Variants in CSF1R observed in about 807,000 individuals in gnomAD.
CSF1R encodes macrophage colony-stimulating factor 1 receptor.
A neutral mutation model predicts 110.0 loss-of-function variants in CSF1R; 40 were observed. That is an observed-to-expected ratio of 0.36 (90% CI 0.28 to 0.47). The LOEUF (loss-of-function observed/expected upper bound fraction) is 0.47, where lower values mean the gene tolerates loss of function less well. Among genes scored for constraint, CSF1R ranks in the 20% least tolerant of loss-of-function variants. The probability of loss-of-function intolerance (pLI) is 0.99; values close to 1 mark genes in which losing one functional copy is unlikely to be tolerated. For synonymous variants in CSF1R, 523 were observed against 503.4 expected (o/e 1.04, Z -0.52); for missense variants, 1,052 against 1,253.0 (o/e 0.84, Z 2.42).
intron 16 of CSF1R, among the ~76,000 whole-genome samples, chr5:150,056,872 T>C (rs1023674119): frequency 6.6e-6 from 1 of 152,190 alleles, no homozygotes; most frequent in African/African-American, 2.4e-5. Flanking sequence ...CTAAGGAAGA[T>C]GGCAAGAGCT....
chr5:150,069,838 G>C (rs755391076), intron 9 of CSF1R, 35 bp downstream of exon 9: 14 of 1,096,570 alleles, frequency 1.3e-5, no homozygotes, highest in South Asian at 7.0e-5. Context: ...GGGGGCGGGC[G>C]GGGGGGCGGT....
intron 1 of CSF1R, among the ~76,000 whole-genome samples, chr5:150,083,286 C>T (rs1274613805): frequency 2.0e-5 from 3 of 151,002 alleles, no homozygotes; most frequent in African/African-American, 7.3e-5. Flanking sequence ...CTAGCTCCCA[C>T]TTGCCTGGAA....
chr5:150,059,578 T>A, intron 14 of CSF1R, 122 bp downstream of exon 14: 1 of 1,126,908 alleles, frequency 8.9e-7, no homozygotes, highest in South Asian at 1.5e-5. Flanking sequence ...ATGACACAGG[T>A]GGCAGGTGAG....
At chr5:150,111,271 C>T (rs17798692) in intron 1 of CSF1R, among the ~76,000 whole-genome samples, 4,867 of 152,190 alleles carry the variant, frequency 0.032, 228 homozygotes, top group East Asian at 0.21. Flanking sequence ...ACAAGAACCC[C>T]GGCCGTGAGT....
At chr5:150,070,852 G>A (rs940163971) in intron 6 of CSF1R, among the ~76,000 whole-genome samples, 3 of 152,088 alleles carry the variant, frequency 2.0e-5, no homozygotes, top group South Asian at 2.1e-4. Context: ...ATCACAGGTC[G>A]CCTACGTTGA....
intron 1 of CSF1R, among the ~76,000 whole-genome samples, chr5:150,106,089 TC>T (rs989199504): frequency 1.3e-5 from 2 of 152,062 alleles, no homozygotes; most frequent in Non-Finnish European, 2.9e-5. Flanking sequence ...GATCCTGACC[TC>T]CCCCAGCAGT....
At chr5:150,103,311 G>A (rs1345198404) in intron 1 of CSF1R, among the ~76,000 whole-genome samples, 1 of 152,166 alleles carries the variant, frequency 6.6e-6, no homozygotes, top group African/African-American at 2.4e-5. Context: ...TCCCTATCTG[G>A]CCCAGATCTG....
In CSF1R at chr5:150,070,000, C is replaced by T. The variant is rs941823186; in HGVS notation, c.1383G>A (p.Glu461=). ...DDPYPEVLSQ[E]PFHKVTVQSL... ...TCTGCACCGTCACCTTGTGGAAGGG[C>T]TCCTGGCTCAGGACCTCAGGGTATG... Residue 461 remains glutamate, a synonymous_variant, in exon 9 of 21, where the codon GAG becomes GAA. Transcript: ENST00000675795. The T allele has an allele frequency of 1.2e-6, 2 of 1,614,058 alleles. No individual in the cohort carries two copies. The highest frequency in any genetic ancestry group is 2.7e-5 in the African/African-American group (2 of 74,924).
chr5:150,106,166 G>A (rs1759551342), intron 1 of CSF1R, among the ~76,000 whole-genome samples: 1 of 152,234 alleles, frequency 6.6e-6, no homozygotes. Context: ...GGTAAGCCCT[G>A]ACTGAGGAAG....
At chr5:150,091,056 T>C (rs1759022705), upstream of CSF1R, among the ~76,000 whole-genome samples, 1 of 152,148 alleles carries the variant, frequency 6.6e-6, no homozygotes, top group African/African-American at 2.4e-5. Context: ...TCATTAGTCA[T>C]TAGGGAAGTG....
intron 9 of CSF1R, among the ~76,000 whole-genome samples, chr5:150,068,921 C>T (rs1757905448): frequency 1.3e-5 from 2 of 152,212 alleles, no homozygotes; most frequent in African/African-American, 2.4e-5. Flanking sequence ...CTTAGATCTG[C>T]AGTCAAGTTT....
Position 150,078,122 on chromosome 5 carries a change from T to C in CSF1R, c.719A>G (p.Asn240Ser). 4 of 1,614,042 alleles carry C rather than the reference T, an allele frequency of 2.5e-6. No individual in the cohort carries two copies. The highest frequency in any genetic ancestry group is 3.4e-6 in the Non-Finnish European group (4 of 1,179,962). Residue 240 changes from asparagine to serine, a missense_variant, in exon 4 of 21, where the codon AAC (asparagine) becomes AGC (serine). By Grantham distance (46) the Asn-to-Ser change is conservative (BLOSUM62 1). Around this residue, in one of 5 missense-constraint regions of CSF1R, gnomAD observed 693 missense variants for 735.4 expected, o/e 0.94. Transcript: ENST00000675795. ...TCTGCAGGGACTGACCTTGGTGTTG[T>C]TGTGTTGGAGGAAGACATCAAAGTT... is the stretch of plus-strand genomic sequence containing the variant. The part of the protein sequence containing the change: ...DVNFDVFLQH[N>S]NTKLAIPQQS...
intron 6 of CSF1R, among the ~76,000 whole-genome samples, 191 bp from the exon 7 acceptor site, chr5:150,070,762 C>T (rs1757998347): frequency 6.6e-6 from 1 of 152,178 alleles, no homozygotes; most frequent in Non-Finnish European, 1.5e-5. Flanking sequence ...AATCCCATTT[C>T]CTTAGTTGGT....
chr5:150,065,162 C>T (rs182777036), intron 10 of CSF1R, among the ~76,000 whole-genome samples: 74 of 152,342 alleles, frequency 4.9e-4, no homozygotes, highest in Admixed American at 1.2e-3. Context: ...CCATCCTCCC[C>T]ACCAAAGGGG....
At chr5:150,082,928 C>T (rs747157130) in intron 1 of CSF1R, among the ~76,000 whole-genome samples, 1 of 152,206 alleles carries the variant, frequency 6.6e-6, no homozygotes, top group Non-Finnish European at 1.5e-5. Flanking sequence ...TCCTTTTTTA[C>T]ACCTGCCTCA....
At chr5:150,069,253 A>G (rs556136057) in intron 9 of CSF1R, among the ~76,000 whole-genome samples, 2 of 152,288 alleles carry the variant, frequency 1.3e-5, no homozygotes, top group South Asian at 4.2e-4. Flanking sequence ...CCTGGTTGTC[A>G]AAAGCCTGAG....
At chr5:150,081,120 G>A (rs1758523635) in intron 1 of CSF1R, 96 bp from the exon 2 acceptor site, 2 of 1,429,204 alleles carry the variant, frequency 1.4e-6, no homozygotes, top group Non-Finnish European at 1.9e-6. Context: ...GGCAGGGATG[G>A]TGCTGTGCCA....
At chr5:150,079,755 G>A (rs974993193) in intron 3 of CSF1R, among the ~76,000 whole-genome samples, 25 of 151,576 alleles carry the variant, frequency 1.6e-4, no homozygotes, top group Admixed American at 5.9e-4. Context: ...GAGGCTCCCC[G>A]CCCTACACAC....
At chr5:150,062,013 G>T (rs1014627731) in intron 10 of CSF1R, among the ~76,000 whole-genome samples, 164 bp from the exon 11 acceptor site, 1 of 152,128 alleles carries the variant, frequency 6.6e-6, no homozygotes, top group Non-Finnish European at 1.5e-5. Flanking sequence ...CATGAACATA[G>T]CACTGAGAGC....
Sources: allele counts gnomAD v4.1 joint callset (sites outside exome capture counted in the v4.1 genomes callset), GRCh38; gene constraint gnomAD v4.1.1; regional missense constraint gnomAD v4.1.1; transcripts MANE v1.5; gene names NCBI Gene and HGNC (gene_info 2026-07-23, HGNC 2026-07-21).